The following XPR1 variants were observed in gnomAD, a reference collection of about 807,000 sequenced individuals.
XPR1 encodes the protein solute carrier family 53 member 1.
In XPR1, 28 loss-of-function variants were observed where a neutral mutation model predicts 87.5. The ratio of observed to expected loss-of-function variants is 0.32; its 90% CI spans 0.24 to 0.44. XPR1 has a LOEUF of 0.44. XPR1 is among the 20% of genes least tolerant of loss of function. The probability of loss-of-function intolerance (pLI) is 1.00; values close to 1 mark genes in which losing one functional copy is unlikely to be tolerated. For synonymous variants in XPR1, 300 were observed against 306.1 expected, an observed-to-expected ratio of 0.98 and a Z score of 0.21; for missense variants, 559 against 862.3, an observed-to-expected ratio of 0.65 and a Z score of 4.41.
intron 2 of XPR1, among the ~76,000 whole-genome samples, chr1:180,742,641 A>G (rs1658959167): frequency 6.6e-6 from 1 of 152,098 alleles, no homozygotes; most frequent in Non-Finnish European, 1.5e-5. Flanking sequence ...AAGGTTAATT[A>G]CATCCACTTG....
chr1:180,765,048 G>A (rs1648220861), intron 2 of XPR1, among the ~76,000 whole-genome samples: 1 of 152,170 alleles, frequency 6.6e-6, no homozygotes, highest in East Asian at 1.9e-4. Context: ...GCCTCCCAAA[G>A]TGCTAGGATT....
intron 13 of XPR1, among the ~76,000 whole-genome samples, chr1:180,879,701 A>T (rs1371900973): frequency 6.6e-6 from 1 of 152,144 alleles, no homozygotes; most frequent in Admixed American, 6.5e-5. Context: ...TCATTAGCCG[A>T]TTGATTGTTT....
At chr1:180,740,598 G>A (rs1221599172) in intron 2 of XPR1, among the ~76,000 whole-genome samples, 2 of 152,044 alleles carry the variant, frequency 1.3e-5, no homozygotes, top group Non-Finnish European at 2.9e-5. Context: ...CTCTTTATAA[G>A]GGATATTGGT....
intron 2 of XPR1, among the ~76,000 whole-genome samples, chr1:180,732,385 A>G (rs921762359): frequency 2.6e-5 from 4 of 152,158 alleles, no homozygotes; most frequent in Non-Finnish European, 5.9e-5. Flanking sequence ...TCAGAAGCTC[A>G]TGTATTTTTT....
At chr1:180,829,695 CTT>C (rs2102159116) in intron 9 of XPR1, among the ~76,000 whole-genome samples, 1 of 152,248 alleles carries the variant, frequency 6.6e-6, no homozygotes, top group African/African-American at 2.4e-5. Flanking sequence ...CTTGATAAGT[CTT>C]TGTTAAATAC....
chr1:180,713,612 T>C (rs1232324781), intron 2 of XPR1, among the ~76,000 whole-genome samples: 1 of 152,214 alleles, frequency 6.6e-6, no homozygotes, highest in Non-Finnish European at 1.5e-5. Context: ...TGTTAGGTGC[T>C]TTTTTCATAT....
intron 2 of XPR1, among the ~76,000 whole-genome samples, chr1:180,745,138 TGTG>T (rs1403782140): frequency 2.0e-5 from 3 of 152,212 alleles, no homozygotes; most frequent in Non-Finnish European, 4.4e-5. Context: ...TTTCAGAGTC[TGTG>T]GTGTGCTGCT....
intron 7 of XPR1, among the ~76,000 whole-genome samples, chr1:180,824,154 T>G (rs1650739396): frequency 6.6e-6 from 1 of 152,240 alleles, no homozygotes; most frequent in African/African-American, 2.4e-5. Flanking sequence ...CATGATTCTT[T>G]GTAATCTAAA....
intron 7 of XPR1, among the ~76,000 whole-genome samples, chr1:180,815,125 T>C (rs567050467): frequency 1.3e-5 from 2 of 152,234 alleles, no homozygotes; most frequent in East Asian, 3.9e-4. Flanking sequence ...CCTTAGTCAT[T>C]AGTGGGTGCA....
Position 180,704,674 on chromosome 1 carries a change from G to A in XPR1, c.121+22263G>A, listed in dbSNP as rs566927969. On this transcript the variant is annotated intron_variant, in intron 2 of 14. Transcript: ENST00000367590. ...TGGCCAGTGGGAGCCTATTCAGTTG[G>A]TTTTCTCATTCCTTTTGATAGACTC... is the stretch of plus-strand genomic sequence containing the variant. Among the ~76,000 whole-genome samples, 71 of 151,480 alleles carry A rather than the reference G, an allele frequency of 4.7e-4. 1 individual carries two copies. The Middle Eastern group carries it at 0.01, about 22-fold the overall frequency.
rs111298273 is a variant in XPR1 at position 180,632,054 on chromosome 1, G to C, written c.-148G>C. 22 of 873,798 alleles carry C rather than the reference G, an allele frequency of 2.5e-5. 1 individual carries two copies. The highest frequency in any genetic ancestry group is 1.9e-4 in the South Asian group (13 of 68,594). 54.1% of individuals were successfully genotyped at this position (873,798 alleles called of 1,614,324 possible). On this transcript the variant is annotated 5_prime_UTR_variant, in exon 1 of 15. Transcript: ENST00000367590. ...GGAGGAGGAAGATGGCGGGCGGGCT[G>C]CTCTGAAGAGACCTCGGCGGCGGCG...
At chr1:180,714,673 C>A (rs546283146) in intron 2 of XPR1, among the ~76,000 whole-genome samples, 11 of 152,142 alleles carry the variant, frequency 7.2e-5, no homozygotes, top group African/African-American at 2.2e-4. Context: ...CCAAAGTGCT[C>A]AGATTACAGG....
intron 7 of XPR1, among the ~76,000 whole-genome samples, chr1:180,824,308 CG>C (rs1650745327): frequency 6.6e-6 from 1 of 152,134 alleles, no homozygotes; most frequent in Non-Finnish European, 1.5e-5. Context: ...TTTGGCCAGG[CG>C]GGGTGGTTCA....
In XPR1 at chr1:180,669,756, A is replaced by G. The variant is rs183720169; in HGVS notation, c.70-12604A>G. Among the ~76,000 whole-genome samples the G allele has an allele frequency of 2.2e-3, 330 of 152,298 alleles. 3 individuals carry two copies. Among genetic ancestry groups the G allele is most frequent in the African/African-American group, 7.8e-3 (323 of 41,542 alleles). On this transcript the variant is annotated intron_variant, in intron 1 of 14. Coordinates refer to ENST00000367590, the MANE Select transcript of XPR1 (RefSeq NM_004736.4). ...GATAGTACCAAACCCTATAGGTACT[A>G]TGTTTTTTCCCATACATATATATGT...
intron 11 of XPR1, among the ~76,000 whole-genome samples, chr1:180,847,928 AC>A (rs1347674643): frequency 1.3e-5 from 2 of 152,182 alleles, no homozygotes; most frequent in Non-Finnish European, 2.9e-5. Flanking sequence ...TGCCATTTAA[AC>A]CGTTTGGAAA....
chr1:180,811,366 G>A, intron 6 of XPR1, 41 bp from the exon 7 acceptor site: 4 of 1,469,322 alleles, frequency 2.7e-6, no homozygotes, highest in Middle Eastern at 3.4e-4. Flanking sequence ...AATACAATCA[G>A]TGTTTTGTCC....
intron 11 of XPR1, among the ~76,000 whole-genome samples, chr1:180,846,452 T>TTC (rs1027046901): frequency 6.6e-6 from 1 of 151,088 alleles, no homozygotes; most frequent in African/African-American, 2.4e-5. Flanking sequence ...TTTATTTATT[T>TTC]TTTTTTTGAG....
chr1:180,795,973 A>C lies in XPR1; in HGVS notation c.224-7415A>C, dbSNP rs370956420. On this transcript the variant is annotated intron_variant, in intron 3 of 14. Transcript: ENST00000367590. The stretch of plus-strand genomic sequence containing the variant: ...AGGTGCCCACCAGCACACCTGGCTA[A>C]TTTTTTTGTATTTTTAGTAGAGACG... 6.6e-5 allele frequency among the ~76,000 whole-genome samples: 10 copies of C among 152,018 alleles called. No individual in the cohort carries two copies. The South Asian group carries it at 2.1e-3, about 32-fold the overall frequency.
intron 2 of XPR1, among the ~76,000 whole-genome samples, chr1:180,689,637 T>A (rs1490177669): frequency 1.3e-5 from 2 of 152,086 alleles, no homozygotes; most frequent in African/African-American, 4.8e-5. Flanking sequence ...ATAGATACCA[T>A]GAGGATTCTG....
Sources: gnomAD v4.1 joint callset for allele counts (sites outside exome capture counted in the v4.1 genomes callset) on GRCh38, gnomAD v4.1.1 for gene constraint, MANE v1.5 for transcripts, NCBI Gene and HGNC (gene_info 2026-07-23, HGNC 2026-07-21) for gene names.